The following ASIC2 variants were observed in gnomAD, a reference collection of about 807,000 sequenced individuals.
ASIC2 encodes acid-sensing ion channel 2.
ASIC2 carries 25 observed loss-of-function variants against 57.3 expected under a neutral mutation model. That is an observed-to-expected ratio of 0.44 (90% CI 0.32 to 0.61). The LOEUF is 0.61. Ranked by LOEUF, ASIC2 falls within the 20% of genes least tolerant of loss-of-function variation. The pLI, the probability that ASIC2 is intolerant of heterozygous loss-of-function variation, is 0.06. For missense variants in ASIC2, 641 were observed against 738.1 expected (o/e 0.87, Z 1.52); for synonymous variants, 319 against 307.5 (o/e 1.04, Z -0.39).
At chr17:34,013,847 A>T (rs1446041524) in intron 1 of ASIC2, among the ~76,000 whole-genome samples, 2 of 152,154 alleles carry the variant, frequency 1.3e-5, no homozygotes. Flanking sequence ...TGAATAATAG[A>T]TCAGATGGCC....
chr17:33,518,987 A>AT (rs1300544382), intron 1 of ASIC2, among the ~76,000 whole-genome samples: 3 of 151,928 alleles, frequency 2.0e-5, no homozygotes, highest in African/African-American at 4.8e-5. Context: ...CGTCCAGCTA[A>AT]TTTTTTGTAT....
Position 33,291,712 on chromosome 17 carries a change from A to C in ASIC2, c.404T>G (p.Val135Gly), listed in dbSNP as rs1365507413. 1.2e-6 allele frequency: 2 copies of C among 1,613,620 alleles called. No homozygotes were observed. The highest frequency in any genetic ancestry group is 1.7e-5 in the Admixed American group (1 of 60,036). The change falls in exon 1 of 10, where the codon GTG (valine) becomes GGG (glycine). Residue 135 changes from valine to glycine, a missense_variant. Val to Gly is a moderately radical substitution (Grantham distance 109). Coordinates refer to ENST00000225823, the MANE Select transcript of ASIC2 (RefSeq NM_183377.2). ...SRQLPFPAVT[V>G]CNNNPLRFPR... is the part of the protein sequence containing the mutation. ...GAAGCGCAGCGGGTTGTTGTTGCAC[A>C]CAGTGACGGCGGGGAAGGGTAACTG...
intron 1 of ASIC2, among the ~76,000 whole-genome samples, chr17:33,701,738 G>T (rs1908707544): frequency 6.6e-6 from 1 of 152,214 alleles, no homozygotes; most frequent in Admixed American, 6.5e-5. Context: ...TAGAGATCAA[G>T]TCATGAGGTA....
intron 1 of ASIC2, among the ~76,000 whole-genome samples, chr17:33,229,310 CATTT>C (rs917477152): frequency 1.3e-5 from 2 of 152,160 alleles, no homozygotes; most frequent in African/African-American, 2.4e-5. Context: ...TTCAATCATT[CATTT>C]GTGTATTTAT....
Position 33,799,365 on chromosome 17 carries a change from T to TCTTTCTTC in ASIC2, c.555+356612_555+356613insGAAGAAAG, listed in dbSNP as rs1491340196. On this transcript the variant is annotated intron_variant, in intron 1 of 9. Coordinates refer to the ASIC2 transcript ENST00000359872. ...TTTCCTCTCTTTCTCTTTCTTTCTT[T>TCTTTCTTC]CTTTCTTTCTTCCTTTCTTTCTTTC... Among the ~76,000 whole-genome samples, 57 of 124,682 alleles carry TCTTTCTTC rather than the reference T, an allele frequency of 4.6e-4. 1 individual carries two copies. Among genetic ancestry groups the TCTTTCTTC allele is most frequent in the African/African-American group, 1.7e-3 (54 of 31,822 alleles). 81.8% of individuals were successfully genotyped at this position (124,682 alleles called of 152,430 possible). A position where few individuals can be genotyped will look rare whatever the true frequency, so the allele number is the denominator to read the frequency against.
At chr17:33,336,365 T>C (rs1466919979) in intron 1 of ASIC2, among the ~76,000 whole-genome samples, 1 of 142,976 alleles carries the variant, frequency 7.0e-6, no homozygotes, top group African/African-American at 2.6e-5. Context: ...ATGTTCATCA[T>C]GAATTTCTTA....
intron 1 of ASIC2, among the ~76,000 whole-genome samples, chr17:33,115,131 C>A (rs1031508654): frequency 6.6e-6 from 1 of 152,204 alleles, no homozygotes; most frequent in Non-Finnish European, 1.5e-5. Flanking sequence ...GCAGCTCCTG[C>A]AGCTGCCCTT....
At chr17:33,286,343 G>A (rs986623554) in intron 1 of ASIC2, among the ~76,000 whole-genome samples, 1 of 152,282 alleles carries the variant, frequency 6.6e-6, no homozygotes, top group African/African-American at 2.4e-5. Flanking sequence ...ATAGAGTTAG[G>A]AACAGGGTGG....
intron 1 of ASIC2, among the ~76,000 whole-genome samples, chr17:33,410,212 A>G (rs570317814): frequency 6.6e-6 from 1 of 152,278 alleles, no homozygotes; most frequent in African/African-American, 2.4e-5. Flanking sequence ...TTCCAGCAAC[A>G]GTGGGCAAAA....
chr17:34,023,064 T>A (rs1238863851), intron 1 of ASIC2, among the ~76,000 whole-genome samples: 1 of 152,170 alleles, frequency 6.6e-6, no homozygotes, highest in African/African-American at 2.4e-5. Flanking sequence ...TGAGGACTCA[T>A]CCACCATGCT....
At chr17:33,143,039 A>T (rs962722405) in intron 1 of ASIC2, among the ~76,000 whole-genome samples, 1 of 152,198 alleles carries the variant, frequency 6.6e-6, no homozygotes, top group Non-Finnish European at 1.5e-5. Flanking sequence ...AGAAGAAAAC[A>T]TGGGTCCCAG....
At chr17:33,758,690 G>A (rs1910686695) in intron 1 of ASIC2, among the ~76,000 whole-genome samples, 1 of 152,024 alleles carries the variant, frequency 6.6e-6, no homozygotes, top group Non-Finnish European at 1.5e-5. Context: ...AAGAGAAAGG[G>A]CATCCTGAGC....
chr17:33,584,263 G>C (rs1482637569), intron 1 of ASIC2, among the ~76,000 whole-genome samples: 2 of 152,138 alleles, frequency 1.3e-5, no homozygotes, highest in African/African-American at 4.8e-5. Flanking sequence ...TCATGGAGAG[G>C]GTGACATGTG....
intron 1 of ASIC2, among the ~76,000 whole-genome samples, chr17:33,876,305 T>C (rs1441403823): frequency 6.6e-6 from 1 of 152,214 alleles, no homozygotes; most frequent in Admixed American, 6.5e-5. Flanking sequence ...CCACATGGAA[T>C]TGCCCACCTT....
chr17:33,021,365 G>A, intron 6 of ASIC2, 55 bp from the exon 7 acceptor site: 4 of 1,391,520 alleles, frequency 2.9e-6, no homozygotes, highest in Non-Finnish European at 4.0e-6. Context: ...CATTCACAGG[G>A]AGCATCTAAT....
intron 1 of ASIC2, among the ~76,000 whole-genome samples, chr17:33,390,389 T>G (rs1909847455): frequency 6.6e-6 from 1 of 152,136 alleles, no homozygotes. Flanking sequence ...TCTTTAAAAG[T>G]GCAGCTCAAT....
At chr17:33,435,543 A>G (rs1436952036) in intron 1 of ASIC2, among the ~76,000 whole-genome samples, 5 of 152,210 alleles carry the variant, frequency 3.3e-5, no homozygotes, top group African/African-American at 1.2e-4. Flanking sequence ...CACTGCCGCC[A>G]TACAAATATA....
chr17:33,651,304 G>T (rs771260808), intron 1 of ASIC2, among the ~76,000 whole-genome samples: 1 of 152,160 alleles, frequency 6.6e-6, no homozygotes, highest in Admixed American at 6.5e-5. Context: ...TGATAAGTAC[G>T]TAGAACTTTT....
At chr17:33,108,520 G>A (rs566119351) in intron 2 of ASIC2, among the ~76,000 whole-genome samples, 9 of 152,252 alleles carry the variant, frequency 5.9e-5, no homozygotes, top group African/African-American at 1.2e-4. Context: ...GTGTGTCTGC[G>A]CCTCCTCAGG....
Sources: allele counts gnomAD v4.1 joint callset (sites outside exome capture counted in the v4.1 genomes callset), GRCh38; gene constraint gnomAD v4.1.1; transcripts MANE v1.5; gene names NCBI Gene and HGNC (gene_info 2026-07-23, HGNC 2026-07-21).